Variants in TNPO1 observed in about 807,000 individuals in gnomAD.
TNPO1 encodes transportin-1.
In TNPO1, 8 loss-of-function variants were observed where a neutral mutation model predicts 119.5. The ratio of observed to expected loss-of-function variants is 0.07; its 90% confidence interval spans 0.04 to 0.12. The LOEUF (loss-of-function observed/expected upper bound fraction) is 0.12, where lower values mean the gene tolerates loss of function less well. Among genes scored for constraint, TNPO1 ranks in the 10% least tolerant of loss-of-function variants. The pLI, the probability that TNPO1 is intolerant of heterozygous loss-of-function variation, is 1.00. For missense variants in TNPO1, 576 were observed against 1,089.8 expected, an observed-to-expected ratio of 0.53 and a Z score of 6.64; for synonymous variants, 362 against 363.0, an observed-to-expected ratio of 1.00 and a Z score of 0.03.
rs192419761 is a variant in TNPO1, at chr5:72,883,099, T to C, written c.1017T>C (p.Ser339=). ...AAGAAGACGAAACGATTCCTGATAGTGAACAGGATATACGGCCACGTTTTC... is the reference window on the plus strand; with the variant it reads ...AAGAAGACGAAACGATTCCTGATAGCGAACAGGATATACGGCCACGTTTTC... ...DVEEDETIPD[S]EQDIRPRFHR... is the part of the protein sequence containing the mutation. The change falls in exon 11 of 25, where the codon AGT becomes AGC. Residue 339 remains serine (S), a synonymous_variant. Transcript: ENST00000337273. The C allele has an allele frequency of 2.2e-4, 361 of 1,613,418 alleles. 3 individuals are homozygous for C. The Middle Eastern group carries it at 2.4e-3, about 11-fold the overall frequency.
chr5:72,895,132 T>G (rs897220105), intron 18 of TNPO1, among the ~76,000 whole-genome samples: 1 of 152,148 alleles, frequency 6.6e-6, no homozygotes, highest in African/African-American at 2.4e-5. Context: ...TTACAATTGT[T>G]TTTTGTTAAA....
intron 23 of TNPO1, among the ~76,000 whole-genome samples, chr5:72,904,764 T>G (rs535876649): frequency 1.2e-4 from 18 of 152,186 alleles, no homozygotes; most frequent in African/African-American, 4.3e-4. Context: ...GCCGTTGCAC[T>G]CCAGCATGAG....
chr5:72,860,115 T>C (rs957389202), intron 4 of TNPO1, among the ~76,000 whole-genome samples: 1 of 152,178 alleles, frequency 6.6e-6, no homozygotes, highest in African/African-American at 2.4e-5. Context: ...TTCTAGATTC[T>C]TTTTTAGTTC....
In TNPO1 at chr5:72,838,351, TA is replaced by T. The variant is rs1481611938; in HGVS notation, c.16-10032del. Among the ~76,000 whole-genome samples the T allele has an allele frequency of 2.6e-5, 4 of 152,368 alleles. No homozygotes were observed. In the South Asian group the frequency reaches 8.3e-4, roughly 32 times the overall value. On this transcript the variant is annotated intron_variant, in intron 1 of 24. Coordinates refer to ENST00000337273, the MANE Select transcript of TNPO1 (RefSeq NM_002270.4). ...TACTTGCAGTTATCAAAATGAGCTATAATGGTTATCCCAGTGTGCTAATTTT... is the reference window on the plus strand; with the variant it reads ...TACTTGCAGTTATCAAAATGAGCTATATGGTTATCCCAGTGTGCTAATTTT...
chr5:72,819,926 G>A (rs1266125624), intron 1 of TNPO1, among the ~76,000 whole-genome samples: 1 of 152,134 alleles, frequency 6.6e-6, no homozygotes, highest in Non-Finnish European at 1.5e-5. Flanking sequence ...AATAACTGCT[G>A]TTATCATCAA....
intron 24 of TNPO1, among the ~76,000 whole-genome samples, chr5:72,905,838 A>C (rs1283075085): frequency 2.6e-5 from 4 of 152,206 alleles, no homozygotes; most frequent in Admixed American, 1.3e-4. Context: ...TGGGGGTTGC[A>C]GTGAGCCAAG....
chr5:72,884,562 T>G (rs1748482211), intron 11 of TNPO1, among the ~76,000 whole-genome samples: 2 of 152,200 alleles, frequency 1.3e-5, no homozygotes, highest in Non-Finnish European at 2.9e-5. Flanking sequence ...TAAAATATGT[T>G]AATTTCCAAC....
Position 72,851,184 on chromosome 5 carries a change from A to G in TNPO1, c.130-60A>G, listed in dbSNP as rs1745519862. 10 of 1,054,374 alleles carry G rather than the reference A, an allele frequency of 9.5e-6. No individual in the cohort carries two copies. The South Asian group carries it at 1.3e-4, about 13-fold the overall frequency. The allele number at this position is 1,054,374 out of a possible 1,614,324, so 65.3% of individuals were successfully genotyped here. On this transcript the variant is annotated intron_variant, in intron 2 of 24. Transcript: ENST00000337273. ...AGAGATCCTTGATTTTTAGATTTAA[A>G]ATGCTTAATTTCTTCCTGAGATTAC... is the stretch of plus-strand genomic sequence containing the variant.
chr5:72,891,714 C>A, intron 14 of TNPO1, 96 bp from the exon 15 acceptor site: 1 of 882,794 alleles, frequency 1.1e-6, no homozygotes, highest in South Asian at 1.6e-5. Context: ...TGATTTTACA[C>A]AATTGCTCAA....
intron 1 of TNPO1, among the ~76,000 whole-genome samples, chr5:72,844,550 A>G (rs1249297224): frequency 1.3e-5 from 2 of 152,250 alleles, no homozygotes; most frequent in Admixed American, 1.3e-4. Flanking sequence ...TTCTTCCATG[A>G]AAAGAAGTTA....
chr5:72,857,317 A>AG (rs1491467544), intron 4 of TNPO1, among the ~76,000 whole-genome samples: 8 of 82,048 alleles, frequency 9.8e-5, no homozygotes, highest in Non-Finnish European at 1.7e-4. Flanking sequence ...AATCTGTCTC[A>AG]AAAAAAAAAA....
At position 72,913,568 on chromosome 5, in the gene TNPO1, TAAGAA is replaced by T. The variant is rs1455241391; in HGVS notation, c.*4899_*4903del. On this transcript the variant is annotated 3_prime_UTR_variant, in exon 25 of 25. Coordinates refer to ENST00000337273, the MANE Select transcript of TNPO1 (RefSeq NM_002270.4). ...TATTTGCCAAGCAGTGTATCACTAA[TAAGAA>T]AAGCAGTTTTTCCTTTTATTGCAGT... The T allele has an allele frequency of 6.6e-6, 1 of 152,514 alleles. No homozygotes were observed. The highest frequency in any genetic ancestry group is 1.5e-5 in the Non-Finnish European group (1 of 67,912). The allele number at this position is 152,514 out of a possible 1,614,324, so 9.4% of individuals were successfully genotyped here.
chr5:72,893,559 A>T, intron 17 of TNPO1, 24 bp downstream of exon 17: 1 of 1,614,178 alleles, frequency 6.2e-7, no homozygotes, highest in Non-Finnish European at 8.5e-7. Context: ...GGTGAAAATG[A>T]ATTGAAGCCT....
intron 1 of TNPO1, among the ~76,000 whole-genome samples, chr5:72,846,935 C>G (rs1020010460): frequency 3.9e-5 from 6 of 152,034 alleles, no homozygotes; most frequent in Non-Finnish European, 7.4e-5. Flanking sequence ...ACAGGACAAT[C>G]CCATTATTAT....
rs986119914 is a variant in TNPO1, at chr5:72,882,925, G to T, written c.982-139G>T. The T allele has an allele frequency of 1.8e-5, 12 of 680,160 alleles. No homozygotes were observed. The East Asian group carries it at 2.8e-4, about 16-fold the overall frequency. 42.1% of individuals were successfully genotyped at this position (680,160 alleles called of 1,614,324 possible). A position where few individuals can be genotyped will look rare whatever the true frequency, so the allele number is the denominator to read the frequency against. On this transcript the variant is annotated intron_variant, in intron 10 of 24. Coordinates refer to ENST00000337273, the MANE Select transcript of TNPO1 (RefSeq NM_002270.4). ...TAAGGAATATGTTCTGTACATGGGC[G>T]TGGTTCTTAATCACTCTGGAAGTAT...
chr5:72,886,189 G>A (rs1468095643), intron 11 of TNPO1, among the ~76,000 whole-genome samples: 1 of 152,058 alleles, frequency 6.6e-6, no homozygotes, highest in Non-Finnish European at 1.5e-5. Context: ...TGTTGCTCTT[G>A]TCTAAATTAT....
chr5:72,817,455 A>G (rs1743750632), intron 1 of TNPO1, among the ~76,000 whole-genome samples: 2 of 152,212 alleles, frequency 1.3e-5, no homozygotes, highest in African/African-American at 4.8e-5. Flanking sequence ...TATTTTCGGA[A>G]TGACTTTCTT....
At chr5:72,875,555 T>G in intron 7 of TNPO1, 60 bp from the exon 8 acceptor site, 6 of 1,549,054 alleles carry the variant, frequency 3.9e-6, no homozygotes, top group Non-Finnish European at 5.3e-6. Flanking sequence ...ACTTGCAGAT[T>G]ACTTATTACT....
chr5:72,892,227 C>T (rs1227920535), intron 15 of TNPO1, among the ~76,000 whole-genome samples: 1 of 151,774 alleles, frequency 6.6e-6, no homozygotes, highest in African/African-American at 2.4e-5. Flanking sequence ...GATTTGGTGC[C>T]AGTAAGGAGG....
Sources: allele counts gnomAD v4.1 joint callset (sites outside exome capture counted in the v4.1 genomes callset), GRCh38; gene constraint gnomAD v4.1.1; transcripts MANE v1.5; gene names NCBI Gene and HGNC (gene_info 2026-07-23, HGNC 2026-07-21).